The following ATP6V0A4 variants were observed in gnomAD, a reference collection of about 807,000 sequenced individuals.
The protein encoded by ATP6V0A4 is ATPase H+ transporting V0 subunit a4.
Under a neutral mutation model 107.3 loss-of-function variants are expected in ATP6V0A4, and 86 were observed. The observed-to-expected ratio is 0.80, with a 90% CI of 0.67 to 0.96. The LOEUF (loss-of-function observed/expected upper bound fraction) is 0.96. Among genes scored for constraint, ATP6V0A4 ranks in the 40% least tolerant of loss-of-function variants. The pLI is 0.00. For missense variants in ATP6V0A4, 908 were observed against 1,045.6 expected (o/e 0.87, Z 1.81); for synonymous variants, 353 against 381.4 (o/e 0.93, Z 0.87).
chr7:138,756,391 C>T (rs1324674794), intron 9 of ATP6V0A4, 67 bp downstream of exon 9: 3 of 1,608,316 alleles, frequency 1.9e-6, no homozygotes, highest in Non-Finnish European at 2.5e-6. Context: ...GTGCATTTGG[C>T]ATTGCACATC....
At chr7:138,779,799 T>C (rs1242271270) in intron 2 of ATP6V0A4, among the ~76,000 whole-genome samples, 2 of 152,250 alleles carry the variant, frequency 1.3e-5, no homozygotes, top group African/African-American at 4.8e-5. Flanking sequence ...ATACATTTTA[T>C]GTCTCATGAT....
chr7:138,762,308 G>C (rs1422306082), intron 7 of ATP6V0A4, 32 bp downstream of exon 7: 10 of 1,610,814 alleles, frequency 6.2e-6, no homozygotes, highest in Non-Finnish European at 8.5e-6. Flanking sequence ...GCCAGGACCA[G>C]GGACCCATCT....
intron 1 of ATP6V0A4, among the ~76,000 whole-genome samples, chr7:138,789,494 C>G (rs1426567725): frequency 6.6e-6 from 1 of 151,412 alleles, no homozygotes; most frequent in Non-Finnish European, 1.5e-5. Context: ...GTGATCCACC[C>G]ACCTCAGCCT....
chr7:138,796,532 T>G (rs917411181), intron 1 of ATP6V0A4, among the ~76,000 whole-genome samples: 1 of 152,062 alleles, frequency 6.6e-6, no homozygotes, highest in African/African-American at 2.4e-5. Flanking sequence ...CTTCCACACA[T>G]GGCAGGCTGT....
chr7:138,717,091 G>C (rs1029992473), intron 19 of ATP6V0A4, among the ~76,000 whole-genome samples: 3 of 152,182 alleles, frequency 2.0e-5, no homozygotes, highest in Non-Finnish European at 4.4e-5. Flanking sequence ...GACAGAGGAG[G>C]TGGGCAGTTG....
intron 20 of ATP6V0A4, among the ~76,000 whole-genome samples, chr7:138,714,126 G>C (rs982800775): frequency 6.6e-6 from 1 of 150,784 alleles, no homozygotes; most frequent in Non-Finnish European, 1.5e-5. Flanking sequence ...TGCACCTGTG[G>C]TCCCAGCTAC....
At chr7:138,712,838 C>A (rs1193030780) in intron 20 of ATP6V0A4, among the ~76,000 whole-genome samples, 2 of 152,078 alleles carry the variant, frequency 1.3e-5, no homozygotes, top group African/African-American at 4.8e-5. Context: ...CTAGACTCAG[C>A]CCTATTATGA....
At chr7:138,741,355 C>G (rs536536273) in intron 14 of ATP6V0A4, among the ~76,000 whole-genome samples, 60 of 152,190 alleles carry the variant, frequency 3.9e-4, no homozygotes, top group African/African-American at 1.4e-3. Flanking sequence ...CTTGCCCAGA[C>G]GTGACCCCCA....
At chr7:138,759,915 AGGGATT>A (rs1806714709) in intron 7 of ATP6V0A4, 37 bp from the exon 8 acceptor site, 1 of 1,613,684 alleles carries the variant, frequency 6.2e-7, no homozygotes, top group Non-Finnish European at 8.5e-7. Flanking sequence ...CTTAAGGCAC[AGGGATT>A]GGGATGCAGA....
At chr7:138,753,665 A>G (rs1806351202) in intron 10 of ATP6V0A4, among the ~76,000 whole-genome samples, 1 of 152,164 alleles carries the variant, frequency 6.6e-6, no homozygotes, top group Admixed American at 6.6e-5. Context: ...TTCAGCACAC[A>G]TGGCCTCTGT....
At chr7:138,747,390 A>G (rs1314897469) in intron 13 of ATP6V0A4, 35 bp downstream of exon 13, 1 of 1,606,126 alleles carries the variant, frequency 6.2e-7, no homozygotes, top group South Asian at 1.1e-5. Flanking sequence ...ATATTCTGAA[A>G]ATGAATCAGG....
rs934757471 is a variant in ATP6V0A4, at chr7:138,783,826, G to T, written c.-18+2332C>A. On this transcript the variant is annotated intron_variant, in intron 2 of 21. Coordinates refer to ENST00000310018, the MANE Select transcript of ATP6V0A4 (RefSeq NM_020632.3). ...CCATGACATCTTTGACATTTCTCTA[G>T]AAGTTTCCTGTCTGAGCTCAATTTT... 1.6e-4 allele frequency among the ~76,000 whole-genome samples: 24 copies of T among 152,278 alleles called. No individual in the cohort carries two copies. In the East Asian group the frequency reaches 3.5e-3, roughly 22 times the overall value.
chr7:138,755,669 C>T lies in ATP6V0A4; in HGVS notation c.816+20G>A, dbSNP rs549939709. On this transcript the variant is annotated intron_variant, in intron 10 of 21. Coordinates refer to ENST00000310018, the MANE Select transcript of ATP6V0A4 (RefSeq NM_020632.3). ...CTCCTGCAGCTGCCATCAGACCATGCGCCCAAACCCCTCACTCACGGTGAT... is the reference window on the plus strand; with the variant it reads ...CTCCTGCAGCTGCCATCAGACCATGTGCCCAAACCCCTCACTCACGGTGAT... 25 of 1,612,994 alleles carry T rather than the reference C, an allele frequency of 1.5e-5. No individual in the cohort carries two copies. In the South Asian group the frequency reaches 1.6e-4, roughly 11 times the overall value.
chr7:138,778,685 G>A (rs543406641), intron 2 of ATP6V0A4, among the ~76,000 whole-genome samples: 102 of 152,146 alleles, frequency 6.7e-4, no homozygotes, highest in Non-Finnish European at 1.3e-3. Context: ...CCAGTTAAAC[G>A]CCACAGAAAA....
At chr7:138,734,085 A>T (rs1383323639) in intron 16 of ATP6V0A4, 51 bp downstream of exon 16, 18 of 1,559,614 alleles carry the variant, frequency 1.2e-5, no homozygotes, top group Non-Finnish European at 1.6e-5. Flanking sequence ...GTCACCATTC[A>T]TCATCAGTGT....
At chr7:138,725,402 T>G (rs1479643393) in intron 18 of ATP6V0A4, among the ~76,000 whole-genome samples, 1 of 152,234 alleles carries the variant, frequency 6.6e-6, no homozygotes, top group Non-Finnish European at 1.5e-5. Flanking sequence ...GAAGACATTC[T>G]GGATGATTTC....
chr7:138,768,577 TC>T (rs1434488555), intron 5 of ATP6V0A4, among the ~76,000 whole-genome samples: 1 of 152,166 alleles, frequency 6.6e-6, no homozygotes, highest in Non-Finnish European at 1.5e-5. Flanking sequence ...AACAGCTGTC[TC>T]CAGATCAGCA....
chr7:138,766,362 C>T (rs1394251138), intron 5 of ATP6V0A4, among the ~76,000 whole-genome samples: 2 of 151,954 alleles, frequency 1.3e-5, no homozygotes, highest in East Asian at 3.9e-4. Flanking sequence ...GCCACCCACG[C>T]CTGGCTAATA....
chr7:138,727,623 C>A (rs2117225975), intron 18 of ATP6V0A4, among the ~76,000 whole-genome samples: 1 of 152,274 alleles, frequency 6.6e-6, no homozygotes, highest in South Asian at 2.1e-4. Context: ...TGTCTAGGTC[C>A]CTGACTCTGC....
Sources: gnomAD v4.1 joint callset for allele counts (sites outside exome capture counted in the v4.1 genomes callset) on GRCh38, gnomAD v4.1.1 for gene constraint, MANE v1.5 for transcripts, NCBI Gene and HGNC (gene_info 2026-07-23, HGNC 2026-07-21) for gene names.